Variants in TBX15 observed in about 807,000 individuals in gnomAD.
TBX15 encodes T-box transcription factor 15.
In TBX15, 18 loss-of-function variants were observed where a neutral mutation model predicts 53.9. The ratio of observed to expected loss-of-function variants is 0.33; its 90% CI spans 0.23 to 0.49. The LOEUF is 0.49. TBX15 is among the 20% of genes least tolerant of loss of function. The pLI is 0.98. For synonymous variants in TBX15, 295 were observed against 278.0 expected, an observed-to-expected ratio of 1.06 and a Z score of -0.61; for missense variants, 692 against 749.5, an observed-to-expected ratio of 0.92 and a Z score of 0.90.
intron 5 of TBX15, among the ~76,000 whole-genome samples, chr1:118,918,263 G>C: frequency 6.6e-6 from 1 of 151,942 alleles, no homozygotes; most frequent in Middle Eastern, 3.4e-3. Context: ...AACTCCCCCC[G>C]GACCACAGGT....
chr1:118,897,036 G>A (rs977035315), intron 7 of TBX15, among the ~76,000 whole-genome samples: 3 of 151,796 alleles, frequency 2.0e-5, no homozygotes, highest in Non-Finnish European at 4.4e-5. Flanking sequence ...GGTCACTGAA[G>A]CGTTTTGAAA....
At chr1:118,959,224 A>T (rs948474093) in intron 1 of TBX15, among the ~76,000 whole-genome samples, 18 of 152,140 alleles carry the variant, frequency 1.2e-4, no homozygotes, top group Non-Finnish European at 2.2e-4. Context: ...ACCTCAGTGA[A>T]TCCTCCCAAC....
intron 2 of TBX15, 137 bp downstream of exon 2, chr1:118,931,482 G>T: frequency 1.1e-6 from 1 of 889,052 alleles, no homozygotes; most frequent in Non-Finnish European, 1.8e-6. Flanking sequence ...TTACCAAGAT[G>T]TCCAAATGCA....
At chr1:118,948,370 AT>A (rs1192227833) in intron 1 of TBX15, among the ~76,000 whole-genome samples, 2 of 151,932 alleles carry the variant, frequency 1.3e-5, no homozygotes, top group Non-Finnish European at 2.9e-5. Flanking sequence ...TGCTCTAATT[AT>A]TTTCAGCAAA....
chr1:118,894,298 C>G (rs955169404), intron 7 of TBX15, among the ~76,000 whole-genome samples: 5 of 152,160 alleles, frequency 3.3e-5, no homozygotes, highest in Admixed American at 6.5e-5. Context: ...ATCCTAGGCT[C>G]TTTCCTAAGC....
intron 1 of TBX15, among the ~76,000 whole-genome samples, chr1:118,962,811 G>A (rs10923712): frequency 0.56 from 85,113 of 152,054 alleles, 24,614 homozygotes; most frequent in Non-Finnish European, 0.61. Flanking sequence ...AAAAATATCA[G>A]TGAACACTGA....
intron 6 of TBX15, among the ~76,000 whole-genome samples, chr1:118,903,556 T>G (rs1363642486): frequency 6.6e-6 from 1 of 152,138 alleles, no homozygotes; most frequent in Non-Finnish European, 1.5e-5. Flanking sequence ...ACTTCCTTAA[T>G]TTTTACTCTT....
intron 1 of TBX15, among the ~76,000 whole-genome samples, chr1:118,951,786 T>A (rs920452860): frequency 6.6e-6 from 1 of 152,198 alleles, no homozygotes; most frequent in African/African-American, 2.4e-5. Context: ...CCCAGCCCTA[T>A]CTGGGCCTCA....
intron 1 of TBX15, among the ~76,000 whole-genome samples, chr1:118,964,249 C>A (rs1035899047): frequency 1.3e-5 from 2 of 152,228 alleles, no homozygotes; most frequent in Admixed American, 1.3e-4. Context: ...CCTATCCTGA[C>A]TAAACTCATA....
intron 7 of TBX15, among the ~76,000 whole-genome samples, chr1:118,886,887 G>T (rs557491611): frequency 6.6e-6 from 1 of 152,162 alleles, no homozygotes; most frequent in Non-Finnish European, 1.5e-5. Context: ...GTATTTGAAC[G>T]AGTTGATCTT....
At chr1:118,903,537 T>C (rs1404044243) in intron 6 of TBX15, among the ~76,000 whole-genome samples, 1 of 152,172 alleles carries the variant, frequency 6.6e-6, no homozygotes, top group Non-Finnish European at 1.5e-5. Context: ...TATTTTCTCT[T>C]TAGTTCTGAC....
intron 7 of TBX15, among the ~76,000 whole-genome samples, chr1:118,888,350 C>T (rs930113477): frequency 2.6e-5 from 4 of 152,154 alleles, no homozygotes; most frequent in African/African-American, 9.7e-5. Flanking sequence ...AAGTGTGAAT[C>T]GCCAACAACA....
intron 7 of TBX15, among the ~76,000 whole-genome samples, chr1:118,893,464 AGAAAGGAAGGAAGGAAGGAAG>A (rs1654261476): frequency 7.9e-6 from 1 of 126,990 alleles, no homozygotes; most frequent in African/African-American, 3.5e-5. Context: ...AAGGAAGGAA[AGAAAGGAAGGAAGGAAGGAAG>A]GAAAGAAAGA....
At position 118,884,393 on chromosome 1, in the gene TBX15, T is replaced by C; in HGVS notation, c.*339A>G. On this transcript the variant is annotated 3_prime_UTR_variant, in exon 8 of 8. Coordinates refer to ENST00000369429, the MANE Select transcript of TBX15 (RefSeq NM_001330677.2). ...CTGTATGTGGGTGTGTATGTGTAAC[T>C]TTTCATGGCTGCCACACACTAGCAT... 2.7e-6 allele frequency: 1 copy of C among 367,590 alleles called. No individual in the cohort carries two copies. The highest frequency in any genetic ancestry group is 5.1e-6 in the Non-Finnish European group (1 of 196,054). 22.8% of individuals were successfully genotyped at this position (367,590 alleles called of 1,614,324 possible).
At chr1:118,951,273 T>C (rs960102054) in intron 1 of TBX15, among the ~76,000 whole-genome samples, 3 of 152,220 alleles carry the variant, frequency 2.0e-5, no homozygotes, top group Admixed American at 2.0e-4. Flanking sequence ...TACCTCCCAA[T>C]GTAGAAGACA....
chr1:118,924,763 C>T lies in TBX15; in HGVS notation c.576G>A (p.Val192=). The T allele has an allele frequency of 6.2e-7, 1 of 1,614,012 alleles. No homozygotes were observed. Reference sequence around the variant, plus strand: ...CAGGGTGTATATAAACTCTTGGGGGCACAGGGGAATCAGCATTGCCAGCCA... The same window carrying T: ...CAGGGTGTATATAAACTCTTGGGGGTACAGGGGAATCAGCATTGCCAGCCA... ...WMVAGNADSP[V]PPRVYIHPDS... Residue 192 remains valine (V), a synonymous_variant, in exon 4 of 8, where the codon GTG becomes GTA. Transcript: ENST00000369429.
chr1:118,924,020 T>C (rs1266849831), intron 4 of TBX15, among the ~76,000 whole-genome samples: 1 of 152,234 alleles, frequency 6.6e-6, no homozygotes, highest in Non-Finnish European at 1.5e-5. Flanking sequence ...TGAACATTAT[T>C]TTGTTATGTG....
At chr1:118,969,017 G>A (rs1657146541) in intron 1 of TBX15, among the ~76,000 whole-genome samples, 1 of 152,174 alleles carries the variant, frequency 6.6e-6, no homozygotes, top group African/African-American at 2.4e-5. Context: ...CACCTAGCAT[G>A]GATTGTTAAC....
In TBX15 at chr1:118,883,324, G is replaced by A. The variant is rs76084019; in HGVS notation, c.*1408C>T. 1 of 152,556 alleles carries A rather than the reference G, an allele frequency of 6.6e-6. No homozygotes were observed. The allele number at this position is 152,556 out of a possible 1,614,324, so 9.5% of individuals were successfully genotyped here. A position where few individuals can be genotyped will look rare whatever the true frequency, so the allele number is the denominator to read the frequency against. On this transcript the variant is annotated 3_prime_UTR_variant, in exon 8 of 8. Coordinates refer to ENST00000369429, the MANE Select transcript of TBX15 (RefSeq NM_001330677.2). ...ATTTAAAAATTTTAGCTTGCACCAA[G>A]CTTCACTTGCTTTCTTACCATTAAA...
Sources: allele counts gnomAD v4.1 joint callset (sites outside exome capture counted in the v4.1 genomes callset), GRCh38; gene constraint gnomAD v4.1.1; transcripts MANE v1.5; gene names NCBI Gene and HGNC (gene_info 2026-07-23, HGNC 2026-07-21).